LRRIQ3: variants seen among roughly 807,000 people sequenced by gnomAD.
LRRIQ3 encodes leucine rich repeats and IQ motif containing 3, also known as leucine-rich repeat and IQ domain-containing protein 3.
A neutral mutation model predicts 59.3 loss-of-function variants in LRRIQ3; 75 were observed. That is an observed-to-expected ratio of 1.26 (90% CI 1.05 to 1.53). The LOEUF (loss-of-function observed/expected upper bound fraction) is 1.53. Ranked by LOEUF, LRRIQ3 falls within the 40% of genes most tolerant of loss-of-function variation. LRRIQ3 has a pLI of 0.00. For synonymous variants in LRRIQ3, 250 were observed against 231.3 expected, an observed-to-expected ratio of 1.08 and a Z score of -0.73; for missense variants, 831 against 710.0, an observed-to-expected ratio of 1.17 and a Z score of -1.94.
At chr1:74,102,201 A>AACT (rs1391599200) in intron 5 of LRRIQ3, among the ~76,000 whole-genome samples, 1 of 152,006 alleles carries the variant, frequency 6.6e-6, no homozygotes, top group East Asian at 1.9e-4. Context: ...ATAAAAATGA[A>AACT]ACTGCTACTC....
At chr1:74,029,592 T>C (rs1307339431) in intron 7 of LRRIQ3, among the ~76,000 whole-genome samples, 2 of 152,040 alleles carry the variant, frequency 1.3e-5, no homozygotes, top group Non-Finnish European at 2.9e-5. Flanking sequence ...CTGCTGGACT[T>C]GGTATGCCAG....
intron 7 of LRRIQ3, among the ~76,000 whole-genome samples, chr1:74,040,401 G>C (rs1224095482): frequency 6.6e-6 from 1 of 152,072 alleles, no homozygotes; most frequent in Non-Finnish European, 1.5e-5. Flanking sequence ...AAATTAACAA[G>C]GATATTCAGG....
At chr1:74,187,321 GAT>G (rs1366005136) in intron 1 of LRRIQ3, among the ~76,000 whole-genome samples, 1 of 148,454 alleles carries the variant, frequency 6.7e-6, no homozygotes, top group African/African-American at 2.5e-5. Flanking sequence ...ATGTGAGAGA[GAT>G]ATATAGATAT....
chr1:74,084,168 A>G lies in LRRIQ3; in HGVS notation c.868-9378T>C, dbSNP rs1353022992. On this transcript the variant is annotated intron_variant, in intron 5 of 7. Coordinates refer to ENST00000354431, the MANE Select transcript of LRRIQ3 (RefSeq NM_001105659.2). ...TTTGGCACTGATGAGAGATGAATAC[A>G]CACATCCAGCCCACTTCAGTGAAAA... 3.9e-6 allele frequency: 6 copies of G among 1,546,846 alleles called. No homozygotes were observed. The South Asian group carries it at 6.0e-5, about 15-fold the overall frequency.
At position 74,198,070 on chromosome 1, in the gene LRRIQ3, G is replaced by A. The variant is rs1651349130; in HGVS notation, c.-75C>T. On this transcript the variant is annotated 5_prime_UTR_variant, in exon 1 of 8. It introduces an in-frame stop codon into an upstream open reading frame of the 5' UTR. Transcript: ENST00000354431. ...CCCCAACACAGTCAGACAAATCGCT[G>A]GGCGGCCATCTGCTCCTGAGACCGT... 4 of 1,049,210 alleles carry A rather than the reference G, an allele frequency of 3.8e-6. No individual in the cohort carries two copies. The highest frequency in any genetic ancestry group is 2.7e-6 in the Non-Finnish European group (2 of 754,504). 65.0% of individuals were successfully genotyped at this position (1,049,210 alleles called of 1,614,324 possible).
At chr1:74,179,248 A>G (rs796249098) in intron 3 of LRRIQ3, among the ~76,000 whole-genome samples, 24 of 152,190 alleles carry the variant, frequency 1.6e-4, no homozygotes, top group African/African-American at 5.5e-4. Flanking sequence ...TTGATTTCGT[A>G]TAGCAAAGAA....
At chr1:74,146,085 T>C (rs1307824164) in intron 4 of LRRIQ3, among the ~76,000 whole-genome samples, 1 of 152,158 alleles carries the variant, frequency 6.6e-6, no homozygotes, top group Non-Finnish European at 1.5e-5. Context: ...ATTTGTGGCC[T>C]AGGCTACAAA....
At chr1:74,045,870 G>A (rs1444846178) in intron 6 of LRRIQ3, among the ~76,000 whole-genome samples, 2 of 152,072 alleles carry the variant, frequency 1.3e-5, no homozygotes, top group East Asian at 3.9e-4. Flanking sequence ...ACTGCAAAGA[G>A]AATAAAATAC....
At chr1:74,101,722 T>C (rs1490554027) in intron 5 of LRRIQ3, among the ~76,000 whole-genome samples, 2 of 152,128 alleles carry the variant, frequency 1.3e-5, no homozygotes, top group Non-Finnish European at 1.5e-5. Context: ...TGGAATACTA[T>C]GCAGCCATAA....
chr1:74,129,153 C>T (rs1417722905), intron 4 of LRRIQ3, among the ~76,000 whole-genome samples: 1 of 152,012 alleles, frequency 6.6e-6, no homozygotes, highest in Non-Finnish European at 1.5e-5. Context: ...TTAAAATCAG[C>T]AGTTGGTGAA....
chr1:74,084,150 C>T (rs1344214716), intron 5 of LRRIQ3: 1 of 1,541,912 alleles, frequency 6.5e-7, no homozygotes, highest in African/African-American at 1.4e-5. Flanking sequence ...CCTTTTGGCA[C>T]TGATGAGAGA....
chr1:74,110,859 G>A (rs1405982976), intron 4 of LRRIQ3, among the ~76,000 whole-genome samples: 3 of 151,998 alleles, frequency 2.0e-5, no homozygotes, highest in Non-Finnish European at 4.4e-5. Context: ...GTCTAGGCTA[G>A]TGGAGTAGCC....
At chr1:74,059,287 T>C (rs1457927663) in intron 6 of LRRIQ3, among the ~76,000 whole-genome samples, 1 of 150,086 alleles carries the variant, frequency 6.7e-6, no homozygotes, top group Non-Finnish European at 1.5e-5. Flanking sequence ...CTTATGCTCC[T>C]AGTGGCATAT....
intron 1 of LRRIQ3, among the ~76,000 whole-genome samples, chr1:74,186,295 C>A (rs2100732397): frequency 6.6e-6 from 1 of 152,060 alleles, no homozygotes; most frequent in Non-Finnish European, 1.5e-5. Context: ...AAACCTTCTG[C>A]ATTAATGCTA....
intron 6 of LRRIQ3, among the ~76,000 whole-genome samples, chr1:74,055,587 GC>G (rs1557595656): frequency 6.6e-6 from 1 of 152,034 alleles, no homozygotes. Context: ...CCAGGACTGG[GC>G]AATGCATTTT....
intron 5 of LRRIQ3, among the ~76,000 whole-genome samples, chr1:74,087,869 C>T (rs1308664446): frequency 1.3e-5 from 2 of 151,942 alleles, no homozygotes; most frequent in African/African-American, 4.8e-5. Flanking sequence ...GAGGCTGAGG[C>T]AGGTGGATCA....
At chr1:74,167,909 C>A (rs1649088696) in intron 3 of LRRIQ3, among the ~76,000 whole-genome samples, 1 of 151,958 alleles carries the variant, frequency 6.6e-6, no homozygotes, top group African/African-American at 2.4e-5. Context: ...TTCCTCTTAT[C>A]TTTCTGTCAT....
chr1:74,156,062 T>C (rs180921431), intron 3 of LRRIQ3, among the ~76,000 whole-genome samples, 196 bp from the exon 4 acceptor site: 5 of 152,294 alleles, frequency 3.3e-5, no homozygotes, highest in African/African-American at 1.2e-4. Flanking sequence ...ATCCCCAATG[T>C]TAGAGATAGG....
At chr1:74,100,897 C>G (rs553786935) in intron 5 of LRRIQ3, among the ~76,000 whole-genome samples, 6 of 152,186 alleles carry the variant, frequency 3.9e-5, no homozygotes, top group African/African-American at 9.6e-5. Context: ...ACACCTTATA[C>G]AAAAATTAAT....
Sources: allele counts gnomAD v4.1 joint callset (sites outside exome capture counted in the v4.1 genomes callset), GRCh38; gene constraint gnomAD v4.1.1; transcripts MANE v1.5; gene names NCBI Gene and HGNC (gene_info 2026-07-23, HGNC 2026-07-21).